Variants in ZYG11A observed in about 807,000 individuals in gnomAD.
ZYG11A encodes the protein zyg-11 family member A, cell cycle regulator.
Under a neutral mutation model 77.2 loss-of-function variants are expected in ZYG11A, and 62 were observed. That is an observed-to-expected ratio of 0.80 (90% confidence interval 0.65 to 0.99). The LOEUF is 0.99. Ranked by LOEUF, ZYG11A falls within the 50% of genes least tolerant of loss-of-function variation. The pLI is 0.00. For missense variants in ZYG11A, 828 were observed against 896.8 expected (o/e 0.92, Z 0.98); for synonymous variants, 315 against 324.6 (o/e 0.97, Z 0.32).
rs1202699650 is a variant in ZYG11A at position 52,885,898 on chromosome 1, A to G, written c.2006+4A>G. On this transcript the variant is annotated splice_donor_region_variant and intron_variant, in intron 12 of 13. Transcript: ENST00000371528. ...TGACAGCATTGGTGACCTATAGGTA[A>G]TTTCATGGTGTTGTGCTTTTCTTCT... The G allele has an allele frequency of 7.2e-6, 11 of 1,532,210 alleles. No individual in the cohort carries two copies. In the African/African-American group the frequency reaches 1.5e-4, roughly 21 times the overall value. 94.9% of individuals were successfully genotyped at this position (1,532,210 alleles called of 1,614,324 possible).
intron 3 of ZYG11A, 89 bp from the exon 4 acceptor site, chr1:52,860,642 C>A: frequency 7.2e-7 from 1 of 1,383,964 alleles, no homozygotes; most frequent in Non-Finnish European, 9.9e-7. Context: ...TTGTCTTAAA[C>A]ACTGGATGCC....
At chr1:52,849,174 C>T (rs1340535333) in intron 1 of ZYG11A, among the ~76,000 whole-genome samples, 1 of 152,050 alleles carries the variant, frequency 6.6e-6, no homozygotes, top group Non-Finnish European at 1.5e-5. Flanking sequence ...AGAGGTTCTC[C>T]TGCTTCAGCC....
At chr1:52,849,917 C>G (rs1415623507) in intron 1 of ZYG11A, among the ~76,000 whole-genome samples, 1 of 151,980 alleles carries the variant, frequency 6.6e-6, no homozygotes, top group South Asian at 2.1e-4. Flanking sequence ...ATCTGCCGAC[C>G]TCGTGATCCG....
intron 4 of ZYG11A, among the ~76,000 whole-genome samples, chr1:52,862,663 C>G (rs776192740): frequency 6.6e-6 from 1 of 152,100 alleles, no homozygotes; most frequent in Non-Finnish European, 1.5e-5. Context: ...CCACTATACT[C>G]CAGCCTGGGT....
chr1:52,852,914 A>G (rs1249215118), intron 1 of ZYG11A, among the ~76,000 whole-genome samples: 1 of 152,198 alleles, frequency 6.6e-6, no homozygotes, highest in Non-Finnish European at 1.5e-5. Context: ...TGATACTGAC[A>G]GTGAAAAACA....
intron 13 of ZYG11A, among the ~76,000 whole-genome samples, chr1:52,891,574 G>C (rs1227457452): frequency 6.6e-6 from 1 of 151,798 alleles, no homozygotes; most frequent in Non-Finnish European, 1.5e-5. Context: ...ACCCACTTGG[G>C]ATTGTGGTCA....
chr1:52,879,747 C>T (rs994412915), intron 10 of ZYG11A, among the ~76,000 whole-genome samples: 1 of 142,980 alleles, frequency 7.0e-6, no homozygotes, highest in Non-Finnish European at 1.5e-5. Context: ...TTCCACTTTT[C>T]TTATTTATTT....
At chr1:52,847,048 G>A (rs1406378498) in intron 1 of ZYG11A, among the ~76,000 whole-genome samples, 2 of 151,254 alleles carry the variant, frequency 1.3e-5, no homozygotes, top group African/African-American at 2.4e-5. Flanking sequence ...GGGTTTCACT[G>A]TGTTAGCCAG....
intron 1 of ZYG11A, among the ~76,000 whole-genome samples, chr1:52,846,453 A>T (rs1004750979): frequency 1.4e-4 from 21 of 148,890 alleles, no homozygotes; most frequent in Admixed American, 1.4e-3. Context: ...CCCAGGTTCA[A>T]GCGATTCTCC....
intron 2 of ZYG11A, among the ~76,000 whole-genome samples, chr1:52,855,169 T>C (rs879932392): frequency 3.3e-5 from 5 of 151,230 alleles, no homozygotes; most frequent in Non-Finnish European, 7.4e-5. Flanking sequence ...GCCTGCTCTC[T>C]AGCTTTTTCA....
Position 52,863,979 on chromosome 1 carries a change from A to G in ZYG11A, c.1150-2A>G, listed in dbSNP as rs1394667822. Reference sequence around the variant, plus strand: ...ATGCACTAAAAACAAGTTCATCTTCAGCTTGTGGCTATAGGAATGAGGAAT... The same window carrying G: ...ATGCACTAAAAACAAGTTCATCTTCGGCTTGTGGCTATAGGAATGAGGAAT... On this transcript the variant is annotated splice_acceptor_variant, in intron 4 of 13. Transcript: ENST00000371528. LOFTEE classifies it high-confidence loss of function. 6.5e-7 allele frequency: 1 copy of G among 1,546,856 alleles called. No individual in the cohort carries two copies. Among genetic ancestry groups the G allele is most frequent in the African/African-American group, 1.4e-5 (1 of 72,930 alleles).
chr1:52,844,836 A>G (rs1215576103), intron 1 of ZYG11A, among the ~76,000 whole-genome samples: 1 of 152,100 alleles, frequency 6.6e-6, no homozygotes, highest in Non-Finnish European at 1.5e-5. Context: ...ATTTTTGTAT[A>G]TTGATCTTGT....
At chr1:52,843,409 C>T (rs1645491665) in intron 1 of ZYG11A, among the ~76,000 whole-genome samples, 1 of 147,908 alleles carries the variant, frequency 6.8e-6, no homozygotes, top group Admixed American at 6.6e-5. Flanking sequence ...CGTTTCCCCA[C>T]CCGTGTTGTG....
chr1:52,887,268 A>G (rs534035076), intron 13 of ZYG11A, among the ~76,000 whole-genome samples: 66 of 152,322 alleles, frequency 4.3e-4, no homozygotes, highest in Middle Eastern at 3.4e-3. Flanking sequence ...ATAAAAAGTA[A>G]AAGTTTGCTC....
intron 13 of ZYG11A, among the ~76,000 whole-genome samples, chr1:52,888,333 C>T (rs1646483473): frequency 6.6e-6 from 1 of 152,222 alleles, no homozygotes; most frequent in Non-Finnish European, 1.5e-5. Context: ...CTGACAGAAT[C>T]AACAGGAAAG....
At chr1:52,854,103 G>A (rs1418094062) in intron 1 of ZYG11A, among the ~76,000 whole-genome samples, 2 of 152,028 alleles carry the variant, frequency 1.3e-5, no homozygotes, top group Admixed American at 1.3e-4. Flanking sequence ...CTGTATTAGT[G>A]TTTATAAGTA....
chr1:52,874,573 G>A (rs1646229078), intron 8 of ZYG11A, among the ~76,000 whole-genome samples: 1 of 152,094 alleles, frequency 6.6e-6, no homozygotes, highest in East Asian at 1.9e-4. Context: ...TTAAATTAAA[G>A]TATCTACATT....
chr1:52,862,681 C>T (rs1400663377), intron 4 of ZYG11A, among the ~76,000 whole-genome samples: 1 of 152,034 alleles, frequency 6.6e-6, no homozygotes, highest in East Asian at 1.9e-4. Flanking sequence ...GGTAACAGAG[C>T]GAGATCCCAA....
At chr1:52,851,574 T>C (rs973489567) in intron 1 of ZYG11A, among the ~76,000 whole-genome samples, 1 of 151,554 alleles carries the variant, frequency 6.6e-6, no homozygotes. Context: ...ATTTTGGTAT[T>C]TTTATAGCAG....
Sources: allele counts gnomAD v4.1 joint callset (sites outside exome capture counted in the v4.1 genomes callset), GRCh38; gene constraint gnomAD v4.1.1; transcripts MANE v1.5; gene names NCBI Gene and HGNC (gene_info 2026-07-23, HGNC 2026-07-21).